The following LPIN2 variants were observed in gnomAD, a reference collection of about 807,000 sequenced individuals.
LPIN2 encodes lipin 2, also known as phosphatidate phosphatase LPIN2.
Under a neutral mutation model 111.4 loss-of-function variants are expected in LPIN2, and 55 were observed. The observed-to-expected ratio is 0.49, with a 90% CI of 0.40 to 0.62. The LOEUF (loss-of-function observed/expected upper bound fraction) is 0.62, where lower values mean the gene tolerates loss of function less well. LPIN2 is among the 20% of genes least tolerant of loss of function. The pLI is 0.00. For synonymous variants in LPIN2, 425 were observed against 414.0 expected (o/e 1.03, Z -0.32); for missense variants, 992 against 1,112.1 (o/e 0.89, Z 1.54).
chr18:2,954,509 C>A lies in LPIN2; in HGVS notation c.283G>T (p.Glu95Ter). Reference protein sequence around the residue: ...EAFFVEETEEEYEKLPAYLAT... With the variant: ...EAFFVEETEE Reference sequence around the variant, plus strand: ...TGTAACCCATGCAAACTTACATATTCTTCTTCAGTCTCCTCAACAAAGAAA... The same window carrying A: ...TGTAACCCATGCAAACTTACATATTATTCTTCAGTCTCCTCAACAAAGAAA... Residue 95 changes from glutamate (E) to a stop codon, truncating the protein, a stop_gained, in exon 3 of 20, where the codon GAA becomes TAA. Transcript: ENST00000677752. LOFTEE classifies it high-confidence loss of function. 14 of 1,612,492 alleles carry A rather than the reference C, an allele frequency of 8.7e-6. No individual in the cohort carries two copies. Among genetic ancestry groups the A allele is most frequent in the African/African-American group, 1.3e-5 (1 of 75,036 alleles).
intron 4 of LPIN2, among the ~76,000 whole-genome samples, chr18:2,943,152 A>G (rs2077389139): frequency 6.6e-6 from 1 of 152,008 alleles, no homozygotes; most frequent in Admixed American, 6.5e-5. Flanking sequence ...TGAACTGCAC[A>G]CTTACGGTCT....
intron 7 of LPIN2, among the ~76,000 whole-genome samples, chr18:2,937,197 C>T (rs2077298364): frequency 6.6e-6 from 1 of 152,168 alleles, no homozygotes; most frequent in East Asian, 1.9e-4. Context: ...GCAAGTCAGG[C>T]CCTGCTCCAA....
At chr18:2,996,995 C>CCTTTTT (rs1555607944) in intron 1 of LPIN2, among the ~76,000 whole-genome samples, 1 of 150,862 alleles carries the variant, frequency 6.6e-6, no homozygotes, top group Admixed American at 6.6e-5. Context: ...TTTTCTTTTT[C>CCTTTTT]TTTTGAGACA....
rs777131248 is a variant in LPIN2 at position 2,946,299 on chromosome 18, T to A, written c.590+4756A>T. On this transcript the variant is annotated intron_variant, in intron 4 of 19. Coordinates refer to ENST00000677752, the MANE Select transcript of LPIN2 (RefSeq NM_001375808.2). ...AATTCAGATAGTTCCTTCTCCTCAG[T>A]AGTCTTGACCTCAGGTTTGACTGGC... The A allele has an allele frequency of 1.2e-4, 176 of 1,509,464 alleles. 1 individual carries two copies. The Middle Eastern group carries it at 2.6e-3, about 22-fold the overall frequency. The allele number at this position is 1,509,464 out of a possible 1,614,324, so 93.5% of individuals were successfully genotyped here. A position where few individuals can be genotyped will look rare whatever the true frequency, so the allele number is the denominator to read the frequency against.
intron 1 of LPIN2, among the ~76,000 whole-genome samples, chr18:3,003,998 C>T (rs2078473194): frequency 6.7e-6 from 1 of 148,302 alleles, no homozygotes; most frequent in African/African-American, 2.6e-5. Flanking sequence ...TTAACGGCCG[C>T]TCTGGGATTG....
chr18:2,982,829 G>C (rs2078132948), intron 1 of LPIN2: 1 of 759,896 alleles, frequency 1.3e-6, no homozygotes, highest in East Asian at 6.6e-5. Flanking sequence ...AAAACAGAAA[G>C]CTGCTCTCTT....
intron 1 of LPIN2, among the ~76,000 whole-genome samples, chr18:2,976,081 G>C (rs1352785787): frequency 6.6e-6 from 1 of 152,152 alleles, no homozygotes; most frequent in African/African-American, 2.4e-5. Flanking sequence ...TATGTCTAGG[G>C]AAGGACATGT....
rs370707555 is a variant in LPIN2, at chr18:2,925,388, T to C, written c.1794-20A>G. 4 of 1,614,022 alleles carry C rather than the reference T, an allele frequency of 2.5e-6. No individual in the cohort carries two copies. The highest frequency in any genetic ancestry group is 3.4e-6 in the Non-Finnish European group (4 of 1,179,948). ...GCCGGCCTGTTCAACATTAGCCCAG[T>C]TACGGAAGAGGCAGCAGGGCATTTT... is the stretch of plus-strand genomic sequence containing the variant. On this transcript the variant is annotated intron_variant, in intron 13 of 19. Coordinates refer to ENST00000677752, the MANE Select transcript of LPIN2 (RefSeq NM_001375808.2). The surrounding 1 kb of genome is among the most constrained non-coding windows in gnomAD (Gnocchi z 4.1).
chr18:2,986,592 T>C (rs1461580500), intron 1 of LPIN2, among the ~76,000 whole-genome samples: 1 of 152,000 alleles, frequency 6.6e-6, no homozygotes, highest in East Asian at 1.9e-4. Context: ...AGCTTTCTTC[T>C]TCCAAGTTCA....
At chr18:2,939,415 G>A in intron 6 of LPIN2, 65 bp downstream of exon 6, 1 of 1,598,926 alleles carries the variant, frequency 6.3e-7, no homozygotes, top group Non-Finnish European at 8.6e-7. Context: ...TTTACTTATG[G>A]GCAGAGGAAT....
chr18:3,003,996 C>T (rs2078473082), intron 1 of LPIN2, among the ~76,000 whole-genome samples: 2 of 148,962 alleles, frequency 1.3e-5, no homozygotes, highest in Non-Finnish European at 2.9e-5. Context: ...TATTAACGGC[C>T]GCTCTGGGAT....
chr18:2,935,397 A>C (rs1261541970), intron 7 of LPIN2, among the ~76,000 whole-genome samples: 4 of 152,212 alleles, frequency 2.6e-5, no homozygotes, highest in Non-Finnish European at 5.9e-5. Flanking sequence ...CCTTCAAAAA[A>C]ACAATCAGAC....
chr18:2,927,640 GT>G, intron 12 of LPIN2, 81 bp downstream of exon 12: 1 of 1,476,368 alleles, frequency 6.8e-7, no homozygotes, highest in Non-Finnish European at 9.5e-7. Flanking sequence ...CCAAATTCCT[GT>G]GCCTGACAAA....
chr18:3,001,348 T>C (rs1010419929), intron 1 of LPIN2, among the ~76,000 whole-genome samples: 1 of 152,142 alleles, frequency 6.6e-6, no homozygotes. Flanking sequence ...GGGCCTGAAT[T>C]TGTGACTGGT....
At chr18:2,968,062 C>T (rs1406527502) in intron 1 of LPIN2, among the ~76,000 whole-genome samples, 1 of 152,100 alleles carries the variant, frequency 6.6e-6, no homozygotes, top group Non-Finnish European at 1.5e-5. Flanking sequence ...AGAAAGAGCC[C>T]CAAATGTCTC....
chr18:3,004,876 A>T (rs1380422927), intron 1 of LPIN2, among the ~76,000 whole-genome samples: 2 of 152,248 alleles, frequency 1.3e-5, no homozygotes, highest in South Asian at 4.1e-4. Context: ...ACCTTGTCCA[A>T]CTCATTCCAA....
chr18:2,993,703 C>G (rs1280679939), intron 1 of LPIN2, among the ~76,000 whole-genome samples: 1 of 152,230 alleles, frequency 6.6e-6, no homozygotes, highest in Non-Finnish European at 1.5e-5. Flanking sequence ...AACAAATCCA[C>G]TTCTGATCTC....
intron 1 of LPIN2, among the ~76,000 whole-genome samples, chr18:3,006,151 A>G (rs2078512155): frequency 6.6e-6 from 1 of 152,230 alleles, no homozygotes; most frequent in African/African-American, 2.4e-5. Context: ...CAAAATGCCT[A>G]AAGAAGTTGT....
chr18:3,013,012 G>T (rs1030541525), intron 1 of LPIN2, 75 bp downstream of exon 1: 4 of 150,506 alleles, frequency 2.7e-5, no homozygotes. Context: ...CGCGCCAAGG[G>T]AAGCCCCCAG....
Sources: allele counts gnomAD v4.1 joint callset (sites outside exome capture counted in the v4.1 genomes callset), GRCh38; gene constraint gnomAD v4.1.1; non-coding constraint Gnocchi (gnomAD v3.1); transcripts MANE v1.5; gene names NCBI Gene and HGNC (gene_info 2026-07-23, HGNC 2026-07-21).